The following DNAJC3 variants were observed in gnomAD, a reference collection of about 807,000 sequenced individuals.
The protein encoded by DNAJC3 is dnaJ homolog subfamily C member 3.
A neutral mutation model predicts 68.6 loss-of-function variants in DNAJC3; 38 were observed. That is an observed-to-expected ratio of 0.55 (90% CI 0.43 to 0.73). The LOEUF is 0.73. DNAJC3 is among the 30% of genes least tolerant of loss of function. The probability of loss-of-function intolerance (pLI) is 0.00; values close to 1 mark genes in which losing one functional copy is unlikely to be tolerated. For synonymous variants in DNAJC3, 203 were observed against 204.0 expected, an observed-to-expected ratio of 1.00 and a Z score of 0.04; for missense variants, 526 against 591.9, an observed-to-expected ratio of 0.89 and a Z score of 1.16.
At chr13:95,769,162 G>T (rs1377619635) in intron 9 of DNAJC3, among the ~76,000 whole-genome samples, 2 of 152,144 alleles carry the variant, frequency 1.3e-5, no homozygotes, top group African/African-American at 4.8e-5. Flanking sequence ...TTCCTTATGA[G>T]ATAAACATTT....
chr13:95,760,340 A>G (rs1882786480), intron 6 of DNAJC3, 119 bp downstream of exon 6: 2 of 906,116 alleles, frequency 2.2e-6, no homozygotes, highest in Non-Finnish European at 3.1e-6. Context: ...GGCTGTTTTT[A>G]TATTGTATAT....
At chr13:95,714,195 C>A (rs751436090) in intron 2 of DNAJC3, among the ~76,000 whole-genome samples, 1 of 152,152 alleles carries the variant, frequency 6.6e-6, no homozygotes, top group Non-Finnish European at 1.5e-5. Context: ...AAGTTCCCAG[C>A]AGTTTTTGCT....
At chr13:95,701,235 T>G (rs17885247) in intron 1 of DNAJC3, among the ~76,000 whole-genome samples, 1,610 of 152,342 alleles carry the variant, frequency 0.011, 28 homozygotes, top group African/African-American at 0.037. Flanking sequence ...CCCCAAAATA[T>G]GACTTCAGGA....
chr13:95,689,363 C>T (rs769077708), intron 1 of DNAJC3, among the ~76,000 whole-genome samples: 8 of 150,912 alleles, frequency 5.3e-5, no homozygotes, highest in Non-Finnish European at 8.8e-5. Flanking sequence ...TCCATTTCCT[C>T]TAAGTTTTCT....
chr13:95,786,564 A>G (rs1449550051), intron 10 of DNAJC3, among the ~76,000 whole-genome samples: 2 of 152,198 alleles, frequency 1.3e-5, no homozygotes, highest in African/African-American at 2.4e-5. Flanking sequence ...TATACCTCCC[A>G]GTGGTTCGCT....
chr13:95,677,214 G>A lies in DNAJC3; in HGVS notation c.-42G>A. Reference sequence around the variant, plus strand: ...GCCGGAGCGCCGGCGCGTGCTGGTGGGCCACACACCTTTCCTCCTCTTCAC... The same window carrying A: ...GCCGGAGCGCCGGCGCGTGCTGGTGAGCCACACACCTTTCCTCCTCTTCAC... On this transcript the variant is annotated 5_prime_UTR_variant, in exon 1 of 12. Transcript: ENST00000602402. The A allele has an allele frequency of 2.5e-6, 4 of 1,571,532 alleles. No homozygotes were observed. The highest frequency in any genetic ancestry group is 1.1e-5 in the South Asian group (1 of 87,504).
At chr13:95,790,821 G>GC (rs1413074977) in intron 11 of DNAJC3, 52 bp from the exon 12 acceptor site, 7 of 1,554,794 alleles carry the variant, frequency 4.5e-6, no homozygotes, top group Non-Finnish European at 1.7e-6. Context: ...CATTCCCCCT[G>GC]CCCCTATACC....
chr13:95,760,007 C>CT (rs765498069), intron 5 of DNAJC3, 33 bp from the exon 6 acceptor site: 14 of 1,512,414 alleles, frequency 9.3e-6, no homozygotes, highest in Non-Finnish European at 1.2e-5. Context: ...ATAATTTATT[C>CT]TTTCTTAAAG....
chr13:95,719,656 T>C (rs1881257019), intron 2 of DNAJC3, among the ~76,000 whole-genome samples: 1 of 152,230 alleles, frequency 6.6e-6, no homozygotes, highest in East Asian at 1.9e-4. Flanking sequence ...AGACCAAATA[T>C]ATATCTTATA....
chr13:95,683,637 C>T (rs1217607099), intron 1 of DNAJC3, among the ~76,000 whole-genome samples: 1 of 152,054 alleles, frequency 6.6e-6, no homozygotes, highest in South Asian at 2.1e-4. Flanking sequence ...TATAAATTAC[C>T]CAGTTCCGGC....
intron 9 of DNAJC3, among the ~76,000 whole-genome samples, chr13:95,764,852 A>T (rs1882948661): frequency 6.6e-6 from 1 of 151,144 alleles, no homozygotes; most frequent in Non-Finnish European, 1.5e-5. Flanking sequence ...AATGAGCCTT[A>T]TAAGCCCTTA....
intron 1 of DNAJC3, among the ~76,000 whole-genome samples, chr13:95,696,605 G>GT (rs1296805814): frequency 3.9e-5 from 6 of 152,134 alleles, no homozygotes; most frequent in Non-Finnish European, 5.9e-5. Flanking sequence ...TTTAAAGTCT[G>GT]TTTTATCTGA....
chr13:95,790,264 A>T lies in DNAJC3; in HGVS notation c.1358-609A>T, dbSNP rs142459263. ...CTGAGGACATGAGCTCTTTCTTCCT[A>T]TCCCTGCAATATTCCTCTTTATTGC... On this transcript the variant is annotated intron_variant, in intron 11 of 11. Coordinates refer to ENST00000602402, the MANE Select transcript of DNAJC3 (RefSeq NM_006260.5). 3.5e-3 allele frequency among the ~76,000 whole-genome samples: 540 copies of T among 152,150 alleles called. 3 individuals carry two copies. The highest frequency in any genetic ancestry group is 0.012 in the African/African-American group (514 of 41,536).
chr13:95,708,808 C>T (rs895259024), intron 1 of DNAJC3, among the ~76,000 whole-genome samples: 1 of 152,168 alleles, frequency 6.6e-6, no homozygotes, highest in Middle Eastern at 3.2e-3. Flanking sequence ...TAATGTTGCT[C>T]ACTTATTGCA....
In DNAJC3 at chr13:95,688,927, G is replaced by T. The variant is rs200424382; in HGVS notation, c.82+11590G>T. Among the ~76,000 whole-genome samples, 498 of 129,752 alleles carry T rather than the reference G, an allele frequency of 3.8e-3. 1 individual carries two copies. The highest frequency in any genetic ancestry group is 5.8e-3 in the Non-Finnish European group (355 of 61,532). 85.1% of individuals were successfully genotyped at this position (129,752 alleles called of 152,430 possible). On this transcript the variant is annotated intron_variant, in intron 1 of 11. Coordinates refer to ENST00000602402, the MANE Select transcript of DNAJC3 (RefSeq NM_006260.5). Reference sequence around the variant, plus strand: ...GAGACAAAGCCCATTTGATTGTGTGGGTGTGTGTGTGTGTGTGTGTGTGTG... The same window carrying T: ...GAGACAAAGCCCATTTGATTGTGTGTGTGTGTGTGTGTGTGTGTGTGTGTG...
At chr13:95,761,060 A>G (rs767751588) in intron 7 of DNAJC3, among the ~76,000 whole-genome samples, 2 of 152,230 alleles carry the variant, frequency 1.3e-5, no homozygotes, top group Non-Finnish European at 2.9e-5. Flanking sequence ...AGGCTGAGCT[A>G]TGTACTGAGG....
intron 9 of DNAJC3, among the ~76,000 whole-genome samples, chr13:95,774,719 AC>A (rs1425421859): frequency 6.6e-6 from 1 of 152,056 alleles, no homozygotes; most frequent in East Asian, 1.9e-4. Flanking sequence ...TTTTATTCTT[AC>A]TCAGTGTTCC....
rs547703822 is a variant in DNAJC3 at position 95,781,850 on chromosome 13, A to C, written c.1076-4089A>C. On this transcript the variant is annotated intron_variant, in intron 9 of 11. Coordinates refer to ENST00000602402, the MANE Select transcript of DNAJC3 (RefSeq NM_006260.5). ...TTTAAGTTCTGGGATACATGTGCAGAATGTACAGGTTTGTTACATAGGTAT... is the reference window on the plus strand; with the variant it reads ...TTTAAGTTCTGGGATACATGTGCAGCATGTACAGGTTTGTTACATAGGTAT... 2.0e-5 allele frequency among the ~76,000 whole-genome samples: 3 copies of C among 151,880 alleles called. No individual in the cohort carries two copies. The South Asian group carries it at 6.2e-4, about 32-fold the overall frequency.
chr13:95,695,134 A>G (rs762904703), intron 1 of DNAJC3: 4 of 152,182 alleles, frequency 2.6e-5, no homozygotes, highest in African/African-American at 9.6e-5. Flanking sequence ...ACCCTTCATC[A>G]TTATAGCCGT....
Sources: allele counts gnomAD v4.1 joint callset (sites outside exome capture counted in the v4.1 genomes callset), GRCh38; gene constraint gnomAD v4.1.1; transcripts MANE v1.5; gene names NCBI Gene and HGNC (gene_info 2026-07-23, HGNC 2026-07-21).